Variants in FAM168A observed in about 807,000 individuals in gnomAD.
FAM168A encodes the protein protein FAM168A.
Under a neutral mutation model 28.5 loss-of-function variants are expected in FAM168A, and 3 were observed. The ratio of observed to expected loss-of-function variants is 0.11; its 90% CI spans 0.05 to 0.27. The LOEUF is 0.27. Among genes scored for constraint, FAM168A ranks in the 10% least tolerant of loss-of-function variants. FAM168A has a pLI of 1.00. For synonymous variants in FAM168A, 122 were observed against 124.2 expected, an observed-to-expected ratio of 0.98 and a Z score of 0.12; for missense variants, 222 against 311.5, an observed-to-expected ratio of 0.71 and a Z score of 2.16.
chr11:73,489,747 G>A (rs1013464615), intron 1 of FAM168A, among the ~76,000 whole-genome samples: 4 of 152,132 alleles, frequency 2.6e-5, no homozygotes, highest in African/African-American at 9.7e-5. Context: ...CTGGGCTCAA[G>A]TAATCTGCCC....
At chr11:73,584,329 C>T (rs1317602144) in intron 1 of FAM168A, among the ~76,000 whole-genome samples, 1 of 151,820 alleles carries the variant, frequency 6.6e-6, no homozygotes, top group East Asian at 2.0e-4. Flanking sequence ...TGTGCCATCA[C>T]TCCCAGCTAA....
chr11:73,452,390 C>T (rs1315657540), intron 2 of FAM168A: 2 of 152,470 alleles, frequency 1.3e-5, no homozygotes, highest in South Asian at 2.1e-4. Flanking sequence ...CTGAGTTGTG[C>T]CCTGTCCTTC....
chr11:73,430,259 TGTGTGTGTGTGTCCCAAG>T (rs1866962286), intron 3 of FAM168A: 2 of 168,340 alleles, frequency 1.2e-5, no homozygotes, highest in South Asian at 1.2e-4. Flanking sequence ...TGTGTGTGTG[TGTGTGTGTGTGTCCCAAG>T]GTGTGTGTGT....
chr11:73,556,736 G>T (rs1943895943), intron 1 of FAM168A, among the ~76,000 whole-genome samples: 1 of 151,940 alleles, frequency 6.6e-6, no homozygotes, highest in Non-Finnish European at 1.5e-5. Flanking sequence ...AAAAAAAATT[G>T]AGGGCCAGGT....
At chr11:73,539,616 C>T (rs1943628748) in intron 1 of FAM168A, among the ~76,000 whole-genome samples, 1 of 152,178 alleles carries the variant, frequency 6.6e-6, no homozygotes, top group South Asian at 2.1e-4. Context: ...CTTCTAGCTA[C>T]ACTCTCAGGA....
intron 1 of FAM168A, among the ~76,000 whole-genome samples, chr11:73,507,540 C>G (rs1312379278): frequency 6.6e-6 from 1 of 151,938 alleles, no homozygotes; most frequent in Non-Finnish European, 1.5e-5. Context: ...GGCTTAATAC[C>G]TGGATGATGA....
At chr11:73,571,684 G>A (rs989797904) in intron 1 of FAM168A, among the ~76,000 whole-genome samples, 5 of 152,062 alleles carry the variant, frequency 3.3e-5, no homozygotes, top group African/African-American at 1.2e-4. Flanking sequence ...GGGAAGTGAG[G>A]AGCGTCTCTG....
intron 1 of FAM168A, among the ~76,000 whole-genome samples, chr11:73,575,812 T>C (rs909575333): frequency 6.6e-6 from 1 of 151,666 alleles, no homozygotes; most frequent in Non-Finnish European, 1.5e-5. Flanking sequence ...GAGGTTGCAG[T>C]GAACCGAGAT....
At chr11:73,521,142 C>T (rs1382709196) in intron 1 of FAM168A, among the ~76,000 whole-genome samples, 1 of 152,142 alleles carries the variant, frequency 6.6e-6, no homozygotes, top group Non-Finnish European at 1.5e-5. Context: ...TATAATTTGA[C>T]AGGATTGGTA....
intron 1 of FAM168A, among the ~76,000 whole-genome samples, chr11:73,483,385 T>C (rs1867994288): frequency 1.3e-5 from 2 of 152,214 alleles, no homozygotes. Flanking sequence ...ACCTTGAGGC[T>C]ATCTGCCACA....
chr11:73,595,448 A>G (rs1272661178), intron 1 of FAM168A, among the ~76,000 whole-genome samples: 1 of 152,266 alleles, frequency 6.6e-6, no homozygotes, highest in Non-Finnish European at 1.5e-5. Flanking sequence ...TTGAACAAAA[A>G]TAAAAAGAAT....
intron 1 of FAM168A, among the ~76,000 whole-genome samples, chr11:73,537,944 A>G (rs1943602938): frequency 6.6e-6 from 1 of 152,220 alleles, no homozygotes; most frequent in Admixed American, 6.5e-5. Context: ...GGAGATAGGA[A>G]GAAAAATAGA....
chr11:73,524,333 TTGA>T (rs1943423900), intron 1 of FAM168A, among the ~76,000 whole-genome samples: 1 of 152,010 alleles, frequency 6.6e-6, no homozygotes. Context: ...TATAATTTCT[TTGA>T]TGATTTCTTT....
chr11:73,571,244 CT>C lies in FAM168A; in HGVS notation c.-19+26678del, dbSNP rs1457214335. 9.0e-4 allele frequency among the ~76,000 whole-genome samples: 89 copies of C among 99,000 alleles called. 1 individual carries two copies. The highest frequency in any genetic ancestry group is 3.0e-3 in the East Asian group (11 of 3,654). The allele number at this position is 99,000 out of a possible 152,430, so 64.9% of individuals were successfully genotyped here. A position where few individuals can be genotyped will look rare whatever the true frequency, so the allele number is the denominator to read the frequency against. On this transcript the variant is annotated intron_variant, in intron 1 of 7. Coordinates refer to ENST00000356467, the MANE Select transcript of FAM168A (RefSeq NM_015159.3). ...CTCTCCCCCTCCCCCTCCCCCCCCC[CT>C]CCCCACAGTCTCCCTCTCCCTCTCT...
chr11:73,424,762 G>A (rs1866853980), intron 3 of FAM168A, among the ~76,000 whole-genome samples: 1 of 152,196 alleles, frequency 6.6e-6, no homozygotes, highest in Non-Finnish European at 1.5e-5. Flanking sequence ...GAATTCGGCA[G>A]CCAGGTTAGG....
intron 2 of FAM168A, among the ~76,000 whole-genome samples, chr11:73,463,480 G>A (rs572312664): frequency 5.3e-5 from 8 of 152,314 alleles, no homozygotes; most frequent in Admixed American, 4.6e-4. Flanking sequence ...TCTGAGCAAA[G>A]CATGAGACAT....
chr11:73,439,948 T>G (rs1258714038), intron 2 of FAM168A, among the ~76,000 whole-genome samples: 1 of 148,172 alleles, frequency 6.7e-6, no homozygotes, highest in Non-Finnish European at 1.5e-5. Context: ...TGCAATGGTG[T>G]GATCTCTGCT....
intron 1 of FAM168A, among the ~76,000 whole-genome samples, chr11:73,587,446 C>T (rs978824044): frequency 2.0e-5 from 3 of 151,342 alleles, no homozygotes; most frequent in South Asian, 2.1e-4. Context: ...GAGCCCAGAT[C>T]GCACCACTGC....
chr11:73,545,027 A>AATATATTATAT (rs1943726414), intron 1 of FAM168A, among the ~76,000 whole-genome samples: 10 of 77,400 alleles, frequency 1.3e-4, no homozygotes, highest in South Asian at 5.4e-4. Context: ...TAGTATATAT[A>AATATATTATAT]ATATATATAT....
Sources: gnomAD v4.1 joint callset for allele counts (sites outside exome capture counted in the v4.1 genomes callset) on GRCh38, gnomAD v4.1.1 for gene constraint, MANE v1.5 for transcripts, NCBI Gene and HGNC (gene_info 2026-07-23, HGNC 2026-07-21) for gene names.